C2CD2: variants seen among roughly 807,000 people sequenced by gnomAD.
C2CD2 encodes C2 calcium dependent domain containing 2, also known as C2 domain-containing protein 2.
A neutral mutation model predicts 74.3 loss-of-function variants in C2CD2; 43 were observed. The observed-to-expected ratio is 0.58, with a 90% CI of 0.45 to 0.75. The LOEUF (loss-of-function observed/expected upper bound fraction) is 0.75. C2CD2 is among the 30% of genes least tolerant of loss of function. The pLI, the probability that C2CD2 is intolerant of heterozygous loss-of-function variation, is 0.00. For synonymous variants in C2CD2, 422 were observed against 390.7 expected (o/e 1.08, Z -0.94); for missense variants, 801 against 916.3 (o/e 0.87, Z 1.63).
chr21:41,933,440 T>C (rs1183999635), intron 2 of C2CD2, among the ~76,000 whole-genome samples: 1 of 152,156 alleles, frequency 6.6e-6, no homozygotes, highest in African/African-American at 2.4e-5. Context: ...CACCGAACAG[T>C]GTTAACAAAA....
intron 2 of C2CD2, among the ~76,000 whole-genome samples, chr21:41,938,424 C>A (rs1440012150): frequency 6.6e-6 from 1 of 152,050 alleles, no homozygotes; most frequent in East Asian, 1.9e-4. Context: ...ACCATTTAAG[C>A]CATTTTTGAG....
chr21:41,889,041 C>A lies in C2CD2; in HGVS notation c.*83G>T, dbSNP rs2064715261. ...CAAGACAAGCGGGGCATCTGGACAT[C>A]CGGCGGACACACTGGCTGCGTCCTG... On this transcript the variant is annotated 3_prime_UTR_variant, in exon 14 of 14. Transcript: ENST00000380486. 1.0e-5 allele frequency: 10 copies of A among 997,936 alleles called. No individual in the cohort carries two copies. The highest frequency in any genetic ancestry group is 3.1e-4 in the Middle Eastern group (1 of 3,260). 61.8% of individuals were successfully genotyped at this position (997,936 alleles called of 1,614,324 possible).
At position 41,924,621 on chromosome 21, in the gene C2CD2, C is replaced by T. The variant is rs1363599353; in HGVS notation, c.379-2536G>A. Among the ~76,000 whole-genome samples, 1 of 152,196 alleles carries T rather than the reference C, an allele frequency of 6.6e-6. No homozygotes were observed. Among genetic ancestry groups the T allele is most frequent in the Non-Finnish European group, 1.5e-5 (1 of 68,034 alleles). On this transcript the variant is annotated intron_variant, in intron 2 of 13. Transcript: ENST00000380486. The surrounding 1 kb of genome is among the most constrained non-coding windows in gnomAD (Gnocchi z 4.4). ...ATGCTTTGTGGCCAGATGAGTTACA[C>T]GCACCAATGGCATGACACTGAGAAA...
intron 7 of C2CD2, among the ~76,000 whole-genome samples, chr21:41,911,695 CTT>C (rs575443853): frequency 1.1e-4 from 16 of 143,134 alleles, no homozygotes; most frequent in South Asian, 2.2e-4. Context: ...GACTTTCTTT[CTT>C]TTTTTTTTTT....
chr21:41,930,710 AC>A (rs1210550491), intron 2 of C2CD2, among the ~76,000 whole-genome samples: 1 of 145,274 alleles, frequency 6.9e-6, no homozygotes, highest in Non-Finnish European at 1.6e-5. Context: ...TCAAAACAAA[AC>A]AAAAAAAAAA....
intron 1 of C2CD2, among the ~76,000 whole-genome samples, chr21:41,943,305 A>T (rs992049682): frequency 2.6e-5 from 4 of 152,080 alleles, no homozygotes; most frequent in Non-Finnish European, 5.9e-5. Context: ...AGAAAAAAAA[A>T]ATTCTCCAAA....
chr21:41,938,566 C>A (rs943090461), intron 2 of C2CD2, among the ~76,000 whole-genome samples: 3 of 152,076 alleles, frequency 2.0e-5, no homozygotes, highest in Non-Finnish European at 4.4e-5. Flanking sequence ...TTTCCTCCCC[C>A]AAGCACCTGG....
chr21:41,947,285 G>T (rs2065409353), intron 1 of C2CD2, among the ~76,000 whole-genome samples: 2 of 151,788 alleles, frequency 1.3e-5, no homozygotes, highest in South Asian at 4.2e-4. Flanking sequence ...AGCATCCCGA[G>T]TAGCTGGGAT....
At chr21:41,949,223 G>A (rs946355642) in intron 1 of C2CD2, among the ~76,000 whole-genome samples, 1 of 152,172 alleles carries the variant, frequency 6.6e-6, no homozygotes, top group Non-Finnish European at 1.5e-5. Context: ...CAGCAGTCCC[G>A]GAGACTCCCA....
chr21:41,911,842 G>A (rs78396966), intron 7 of C2CD2, among the ~76,000 whole-genome samples: 1 of 152,032 alleles, frequency 6.6e-6, no homozygotes, highest in Non-Finnish European at 1.5e-5. Context: ...TACAGGCAAG[G>A]CAAGGGCCAC....
At chr21:41,944,200 C>A (rs947700910) in intron 1 of C2CD2, among the ~76,000 whole-genome samples, 1 of 152,230 alleles carries the variant, frequency 6.6e-6, no homozygotes, top group African/African-American at 2.4e-5. Flanking sequence ...CCCTTGCTAC[C>A]TTCTGAATTC....
intron 11 of C2CD2, among the ~76,000 whole-genome samples, chr21:41,904,053 G>A (rs1186927001): frequency 6.6e-6 from 1 of 152,120 alleles, no homozygotes; most frequent in African/African-American, 2.4e-5. Context: ...CACAGGGTGA[G>A]CTAGGAGGTC....
At chr21:41,894,249 G>A (rs940599393) in intron 13 of C2CD2, among the ~76,000 whole-genome samples, 1 of 152,184 alleles carries the variant, frequency 6.6e-6, no homozygotes, top group African/African-American at 2.4e-5. Flanking sequence ...CTCTGAGGAA[G>A]GAGGCCTGAT....
At chr21:41,894,211 T>G (rs1347672383) in intron 13 of C2CD2, among the ~76,000 whole-genome samples, 1 of 152,234 alleles carries the variant, frequency 6.6e-6, no homozygotes, top group South Asian at 2.1e-4. Context: ...TTCTGTAGAC[T>G]GGACCCTCAA....
At chr21:41,925,138 C>T (rs1347445174) in intron 2 of C2CD2, among the ~76,000 whole-genome samples, 1 of 152,160 alleles carries the variant, frequency 6.6e-6, no homozygotes, top group Non-Finnish European at 1.5e-5. Flanking sequence ...ACCTACAGTG[C>T]AGACCAAGCC....
intron 7 of C2CD2, among the ~76,000 whole-genome samples, chr21:41,911,805 G>A (rs796446362): frequency 3.3e-5 from 5 of 151,824 alleles, no homozygotes; most frequent in South Asian, 4.2e-4. Context: ...ATCCTCCTGC[G>A]TCAGCCTCCC....
At chr21:41,948,342 T>C (rs2065419494) in intron 1 of C2CD2, among the ~76,000 whole-genome samples, 1 of 151,722 alleles carries the variant, frequency 6.6e-6, no homozygotes, top group South Asian at 2.1e-4. Context: ...CTGCCCCAGC[T>C]CACAATGCCG....
In C2CD2 at chr21:41,886,819, T is replaced by C. The variant is rs2064689718; in HGVS notation, c.*2305A>G. 1 of 152,106 alleles carries C rather than the reference T, an allele frequency of 6.6e-6. No homozygotes were observed. The highest frequency in any genetic ancestry group is 2.4e-5 in the African/African-American group (1 of 41,408). 9.4% of individuals were successfully genotyped at this position (152,106 alleles called of 1,614,324 possible). On this transcript the variant is annotated 3_prime_UTR_variant, in exon 14 of 14. Transcript: ENST00000380486. ...GACCAACATGGTGAGACTCCATTTC[T>C]ACTAAATAGAATTAGCCAGGTGTGG...
chr21:41,926,010 C>G lies in C2CD2; in HGVS notation c.379-3925G>C, dbSNP rs2065207228. 2.0e-5 allele frequency among the ~76,000 whole-genome samples: 3 copies of G among 152,196 alleles called. No homozygotes were observed. Among genetic ancestry groups the G allele is most frequent in the African/African-American group, 7.2e-5 (3 of 41,446 alleles). On this transcript the variant is annotated intron_variant, in intron 2 of 13. Transcript: ENST00000380486. The surrounding 1 kb of genome is among the most constrained non-coding windows in gnomAD (Gnocchi z 8.0). ...CAGACTGGGCCCTGAGTGTTTCCCTCTGAAACAGTCTGCTATTAATACAGG... is the reference window on the plus strand; with the variant it reads ...CAGACTGGGCCCTGAGTGTTTCCCTGTGAAACAGTCTGCTATTAATACAGG...
Sources: allele counts gnomAD v4.1 joint callset (sites outside exome capture counted in the v4.1 genomes callset), GRCh38; gene constraint gnomAD v4.1.1; non-coding constraint Gnocchi (gnomAD v3.1); transcripts MANE v1.5; gene names NCBI Gene and HGNC (gene_info 2026-07-23, HGNC 2026-07-21).